Variants in XKR4 observed in about 807,000 individuals in gnomAD.
The protein encoded by XKR4 is XK related 4.
Under a neutral mutation model 53.9 loss-of-function variants are expected in XKR4, and 12 were observed. The observed-to-expected ratio is 0.22, with a 90% CI of 0.14 to 0.36. The LOEUF (loss-of-function observed/expected upper bound fraction) is 0.36, where lower values mean the gene tolerates loss of function less well. XKR4 is among the 10% of genes least tolerant of loss of function. The probability of loss-of-function intolerance (pLI) is 1.00; values close to 1 mark genes in which losing one functional copy is unlikely to be tolerated. For synonymous variants in XKR4, 354 were observed against 362.4 expected (o/e 0.98, Z 0.26); for missense variants, 799 against 859.5 (o/e 0.93, Z 0.88).
At chr8:55,329,384 CTT>C (rs529323804) in intron 1 of XKR4, among the ~76,000 whole-genome samples, 4 of 144,432 alleles carry the variant, frequency 2.8e-5, no homozygotes. Flanking sequence ...TTTTTTTGCA[CTT>C]TTTTTTTTTT....
At chr8:55,191,625 G>C (rs1817444745) in intron 1 of XKR4, among the ~76,000 whole-genome samples, 1 of 151,352 alleles carries the variant, frequency 6.6e-6, no homozygotes, top group Non-Finnish European at 1.5e-5. Flanking sequence ...ATTTAGACTA[G>C]GACACGCTTC....
intron 2 of XKR4, among the ~76,000 whole-genome samples, chr8:55,423,971 C>G (rs1409720257): frequency 1.3e-5 from 2 of 152,176 alleles, no homozygotes; most frequent in Non-Finnish European, 1.5e-5. Flanking sequence ...TGGGAGCAAA[C>G]CTTTCCTTTA....
At position 55,178,816 on chromosome 8, in the gene XKR4, C is replaced by T. The variant is rs114228408; in HGVS notation, c.806+75522C>T. ...TGGTCTGCATAGACAAAAATGGCCC[C>T]GCTTATACGTCCTATCTTGCTTCCT... is the stretch of plus-strand genomic sequence containing the variant. On this transcript the variant is annotated intron_variant, in intron 1 of 2. Coordinates refer to ENST00000327381, the MANE Select transcript of XKR4 (RefSeq NM_052898.2). Among the ~76,000 whole-genome samples, 568 of 152,322 alleles carry T rather than the reference C, an allele frequency of 3.7e-3. 6 individuals are homozygous for T. Among genetic ancestry groups the T allele is most frequent in the African/African-American group, 0.013 (531 of 41,564 alleles).
chr8:55,208,548 C>A (rs1817681288), intron 1 of XKR4, among the ~76,000 whole-genome samples: 1 of 151,954 alleles, frequency 6.6e-6, no homozygotes, highest in Non-Finnish European at 1.5e-5. Context: ...TTCACTGCAA[C>A]CTCTGCCTCC....
intron 2 of XKR4, among the ~76,000 whole-genome samples, chr8:55,509,131 G>C (rs919035434): frequency 6.6e-5 from 10 of 152,164 alleles, no homozygotes; most frequent in African/African-American, 2.4e-4. Flanking sequence ...AGAAGGCATA[G>C]TTGGGGAGCA....
At chr8:55,155,631 T>TA (rs201753819) in intron 1 of XKR4, among the ~76,000 whole-genome samples, 1 of 148,032 alleles carries the variant, frequency 6.8e-6, no homozygotes, top group Non-Finnish European at 1.5e-5. Flanking sequence ...ATAAAGGCAT[T>TA]AAGAGAGAGA....
intron 1 of XKR4, among the ~76,000 whole-genome samples, chr8:55,185,348 C>G (rs1441688514): frequency 6.6e-6 from 1 of 152,176 alleles, no homozygotes; most frequent in African/African-American, 2.4e-5. Flanking sequence ...TGAAAGGTCA[C>G]CTTCTCATGC....
intron 1 of XKR4, among the ~76,000 whole-genome samples, chr8:55,336,057 A>G (rs1327023054): frequency 6.6e-6 from 1 of 151,360 alleles, no homozygotes; most frequent in African/African-American, 2.4e-5. Flanking sequence ...AAAAAAAAAA[A>G]AAGAAAAGAA....
intron 1 of XKR4, among the ~76,000 whole-genome samples, chr8:55,323,347 C>A (rs773158020): frequency 9.9e-5 from 15 of 152,196 alleles, no homozygotes; most frequent in Admixed American, 6.5e-5. Flanking sequence ...CCTTTGCGGT[C>A]AATCCTAACC....
At chr8:55,390,681 G>A (rs1804432815) in intron 2 of XKR4, among the ~76,000 whole-genome samples, 1 of 152,132 alleles carries the variant, frequency 6.6e-6, no homozygotes, top group Non-Finnish European at 1.5e-5. Flanking sequence ...TATAAAACGA[G>A]GTTTTGCTTT....
rs1270605075 is a variant in XKR4 at position 55,455,942 on chromosome 8, G to T, written c.1007-67339G>T. Among the ~76,000 whole-genome samples, 3 of 152,204 alleles carry T rather than the reference G, an allele frequency of 2.0e-5. No homozygotes were observed. The South Asian group carries it at 6.2e-4, about 32-fold the overall frequency. On this transcript the variant is annotated intron_variant, in intron 2 of 2. Transcript: ENST00000327381. ...AACCTCAATAGCTACATGTCATGGG[G>T]AAGAAAGATTATACAGTTTAAATCT...
At chr8:55,165,492 A>G (rs1349986197) in intron 1 of XKR4, among the ~76,000 whole-genome samples, 2 of 152,190 alleles carry the variant, frequency 1.3e-5, no homozygotes, top group African/African-American at 4.8e-5. Flanking sequence ...AATATATTTC[A>G]AAAAGGGCCG....
chr8:55,121,643 T>C (rs1429157044), intron 1 of XKR4, among the ~76,000 whole-genome samples: 1 of 152,216 alleles, frequency 6.6e-6, no homozygotes, highest in African/African-American at 2.4e-5. Context: ...CATTGAGTTC[T>C]GGTACCAACT....
chr8:55,510,404 G>C (rs754571007), intron 2 of XKR4, among the ~76,000 whole-genome samples: 2 of 152,182 alleles, frequency 1.3e-5, no homozygotes, highest in Non-Finnish European at 2.9e-5. Context: ...GTCCTTGAAG[G>C]GTTTTCAGCT....
chr8:55,494,514 G>A (rs1385255876), intron 2 of XKR4, among the ~76,000 whole-genome samples: 2 of 152,206 alleles, frequency 1.3e-5, no homozygotes, highest in African/African-American at 2.4e-5. Context: ...CAGAGAAGTG[G>A]AGGGCGAGCA....
chr8:55,329,573 A>C (rs1403360875), intron 1 of XKR4, among the ~76,000 whole-genome samples: 1 of 152,158 alleles, frequency 6.6e-6, no homozygotes, highest in African/African-American at 2.4e-5. Context: ...GAACATAATC[A>C]CATTTGACAT....
At chr8:55,328,660 C>T (rs1803331293) in intron 1 of XKR4, among the ~76,000 whole-genome samples, 1 of 152,174 alleles carries the variant, frequency 6.6e-6, no homozygotes, top group Non-Finnish European at 1.5e-5. Context: ...TGGCTCCCTC[C>T]AGTTTCAATT....
chr8:55,136,223 A>G (rs1335801331), intron 1 of XKR4, among the ~76,000 whole-genome samples: 1 of 152,142 alleles, frequency 6.6e-6, no homozygotes, highest in Non-Finnish European at 1.5e-5. Context: ...ACTGCAAACA[A>G]TTTACAATAT....
intron 2 of XKR4, among the ~76,000 whole-genome samples, chr8:55,466,787 G>A (rs1412723361): frequency 2.0e-5 from 3 of 151,948 alleles, no homozygotes; most frequent in Non-Finnish European, 4.4e-5. Flanking sequence ...GGTTGTTTCT[G>A]GTCTTTTATC....
Sources: gnomAD v4.1 joint callset for allele counts (sites outside exome capture counted in the v4.1 genomes callset) on GRCh38, gnomAD v4.1.1 for gene constraint, MANE v1.5 for transcripts, NCBI Gene and HGNC (gene_info 2026-07-23, HGNC 2026-07-21) for gene names.